Variants in MYO9A observed in about 807,000 individuals in gnomAD.
MYO9A encodes the protein unconventional myosin-IXa.
MYO9A carries 103 observed loss-of-function variants against 293.3 expected under a neutral mutation model. The ratio of observed to expected loss-of-function variants is 0.35; its 90% CI spans 0.30 to 0.41. MYO9A has a LOEUF of 0.41. Ranked by LOEUF, MYO9A falls within the 10% of genes least tolerant of loss-of-function variation. The pLI, the probability that MYO9A is intolerant of heterozygous loss-of-function variation, is 1.00. For synonymous variants in MYO9A, 1,001 were observed against 1,035.7 expected, an observed-to-expected ratio of 0.97 and a Z score of 0.64; for missense variants, 2,685 against 3,033.0, an observed-to-expected ratio of 0.89 and a Z score of 2.69.
chr15:71,895,128 C>A (rs1247528587), intron 25 of MYO9A, among the ~76,000 whole-genome samples: 1 of 152,190 alleles, frequency 6.6e-6, no homozygotes, highest in Non-Finnish European at 1.5e-5. Context: ...TCTTAGAGAT[C>A]TCCCTTTTTG....
intron 1 of MYO9A, among the ~76,000 whole-genome samples, chr15:72,100,761 C>T (rs1299921700): frequency 6.6e-6 from 1 of 150,728 alleles, no homozygotes; most frequent in African/African-American, 2.4e-5. Flanking sequence ...ACCCTCCACC[C>T]GGCAGCTGCC....
chr15:72,030,398 C>G (rs1459405216), intron 3 of MYO9A, among the ~76,000 whole-genome samples: 3 of 152,138 alleles, frequency 2.0e-5, no homozygotes, highest in Non-Finnish European at 4.4e-5. Flanking sequence ...ACTACAGTAG[C>G]CCCCTTCCAC....
At chr15:72,089,768 G>A (rs1226981755) in intron 1 of MYO9A, among the ~76,000 whole-genome samples, 1 of 152,120 alleles carries the variant, frequency 6.6e-6, no homozygotes, top group African/African-American at 2.4e-5. Context: ...ACAACAGTGT[G>A]AGACCCTCCT....
chr15:71,977,753 T>C (rs2076178993), intron 12 of MYO9A, among the ~76,000 whole-genome samples: 1 of 152,036 alleles, frequency 6.6e-6, no homozygotes, highest in South Asian at 2.1e-4. Context: ...AAAAAAAAAT[T>C]GTGGCCACAC....
At chr15:71,888,723 A>G (rs1381154967) in intron 26 of MYO9A, 1 of 152,224 alleles carries the variant, frequency 6.6e-6, no homozygotes, top group African/African-American at 2.4e-5. Flanking sequence ...TCTAAAGACA[A>G]TCCTGTTCTG....
intron 7 of MYO9A, among the ~76,000 whole-genome samples, chr15:72,010,062 A>G (rs1250965355): frequency 6.6e-6 from 1 of 152,164 alleles, no homozygotes; most frequent in African/African-American, 2.4e-5. Flanking sequence ...TTACAAAGCA[A>G]AAGTTTTAAG....
chr15:71,834,236 G>A (rs983635343), intron 39 of MYO9A, among the ~76,000 whole-genome samples: 3 of 151,912 alleles, frequency 2.0e-5, no homozygotes, highest in African/African-American at 7.3e-5. Flanking sequence ...TAGACAAAGT[G>A]GAGAAATTTC....
chr15:71,917,655 G>A (rs1467255000), intron 18 of MYO9A, among the ~76,000 whole-genome samples: 1 of 152,156 alleles, frequency 6.6e-6, no homozygotes, highest in Middle Eastern at 3.2e-3. Context: ...AGTAAAGACA[G>A]TACAAGTATT....
intron 25 of MYO9A, 195 bp downstream of exon 25, chr15:71,897,266 A>G: frequency 3.3e-6 from 2 of 597,684 alleles, no homozygotes; most frequent in Admixed American, 3.0e-5. Flanking sequence ...ATTCATGATC[A>G]GTCAAGGATT....
Position 71,898,234 on chromosome 15 carries a change from G to T in MYO9A, c.4269C>A (p.Ile1423=). Residue 1423 remains isoleucine, a synonymous_variant, in exon 25 of 42, where the codon ATC becomes ATA. Coordinates refer to ENST00000356056, the MANE Select transcript of MYO9A (RefSeq NM_006901.4). ...ISNSLPTFFY[I]PQQDPLKTNS... is the part of the protein sequence containing the mutation. The stretch of plus-strand genomic sequence containing the variant: ...TTGTTTTCAGTGGGTCTTGTTGGGG[G>T]ATATAAAAAAAAGTAGGTAGACTAT... 1.2e-6 allele frequency: 2 copies of T among 1,613,894 alleles called. No homozygotes were observed. The highest frequency in any genetic ancestry group is 1.7e-6 in the Non-Finnish European group (2 of 1,179,954).
chr15:71,910,984 A>G (rs2057830550), intron 19 of MYO9A, among the ~76,000 whole-genome samples: 1 of 152,184 alleles, frequency 6.6e-6, no homozygotes, highest in South Asian at 2.1e-4. Context: ...AATGAGTTTT[A>G]GTAAATTTAC....
At chr15:72,117,576 C>T in intron 1 of MYO9A, 104 bp downstream of exon 1, 1 of 381,936 alleles carries the variant, frequency 2.6e-6, no homozygotes, top group Non-Finnish European at 4.6e-6. Context: ...CGCGGGGCGT[C>T]TCCGCTGGGA....
intron 4 of MYO9A, among the ~76,000 whole-genome samples, chr15:72,023,486 A>T (rs1468650110): frequency 6.6e-6 from 1 of 152,228 alleles, no homozygotes; most frequent in East Asian, 1.9e-4. Flanking sequence ...TGAGGTCAGG[A>T]GTTCGAGGCC....
intron 1 of MYO9A, among the ~76,000 whole-genome samples, chr15:72,098,146 C>G (rs2080126182): frequency 6.6e-6 from 1 of 151,990 alleles, no homozygotes; most frequent in Admixed American, 6.6e-5. Context: ...CCTCCTCAAA[C>G]ATGAATGGAG....
At chr15:72,019,452 A>G (rs1241682334) in intron 5 of MYO9A, among the ~76,000 whole-genome samples, 1 of 152,236 alleles carries the variant, frequency 6.6e-6, no homozygotes, top group Non-Finnish European at 1.5e-5. Context: ...CTCATTTATG[A>G]GAGAATATTA....
chr15:71,958,825 C>T (rs545006910), intron 14 of MYO9A: 3 of 152,016 alleles, frequency 2.0e-5, no homozygotes, highest in South Asian at 2.1e-4. Context: ...ATGTCATTGC[C>T]GATATTGATA....
At chr15:71,841,802 TTTTTTTTG>T (rs1415155602) in intron 39 of MYO9A, among the ~76,000 whole-genome samples, 2 of 143,434 alleles carry the variant, frequency 1.4e-5, no homozygotes, top group African/African-American at 5.5e-5. Flanking sequence ...GGGGTAGTTT[TTTTTTTTG>T]TTTTTTTTGT....
intron 1 of MYO9A, among the ~76,000 whole-genome samples, chr15:72,109,827 T>C (rs1379267588): frequency 2.6e-5 from 4 of 151,082 alleles, no homozygotes; most frequent in African/African-American, 9.7e-5. Flanking sequence ...ACCTCGAAAG[T>C]GGAGGCTGCA....
Position 72,019,028 on chromosome 15 carries a change from C to CTT in MYO9A, c.1155+9_1155+10dup. On this transcript the variant is annotated intron_variant, in intron 6 of 41. Coordinates refer to ENST00000356056, the MANE Select transcript of MYO9A (RefSeq NM_006901.4). ...GACAGAAACACAGAATATTTAGGTACTTGTACTGACCGGCTCAGAGTCATA... is the reference window on the plus strand; with the variant it reads ...GACAGAAACACAGAATATTTAGGTACTTTTGTACTGACCGGCTCAGAGTCATA... 1 of 1,611,944 alleles carries CTT rather than the reference C, an allele frequency of 6.2e-7. No individual in the cohort carries two copies. The highest frequency in any genetic ancestry group is 2.2e-5 in the East Asian group (1 of 44,828).
Sources: allele counts gnomAD v4.1 joint callset (sites outside exome capture counted in the v4.1 genomes callset), GRCh38; gene constraint gnomAD v4.1.1; transcripts MANE v1.5; gene names NCBI Gene and HGNC (gene_info 2026-07-23, HGNC 2026-07-21).